C12orf56: variants seen among roughly 807,000 people sequenced by gnomAD.
C12orf56 encodes the protein uncharacterized protein C12orf56.
C12orf56 carries 71 observed loss-of-function variants against 69.9 expected under a neutral mutation model. The observed-to-expected ratio is 1.02, with a 90% CI of 0.84 to 1.24. The LOEUF is 1.24. Ranked by LOEUF, C12orf56 falls within the 50% of genes most tolerant of loss-of-function variation. The pLI is 0.00. For synonymous variants in C12orf56, 276 were observed against 274.1 expected (o/e 1.01, Z -0.07); for missense variants, 732 against 738.5 (o/e 0.99, Z 0.10).
chr12:64,294,312 A>G (rs1565742219), intron 6 of C12orf56, among the ~76,000 whole-genome samples: 1 of 152,192 alleles, frequency 6.6e-6, no homozygotes, highest in Non-Finnish European at 1.5e-5. Context: ...TTACCATCTA[A>G]TCTAGCAATT....
intron 2 of C12orf56, among the ~76,000 whole-genome samples, chr12:64,336,117 A>T (rs1161725733): frequency 6.6e-6 from 1 of 152,218 alleles, no homozygotes; most frequent in Non-Finnish European, 1.5e-5. Context: ...ATATAGCAAT[A>T]CCTGACTCAG....
intron 1 of C12orf56, among the ~76,000 whole-genome samples, chr12:64,384,742 G>T (rs935540219): frequency 3.3e-5 from 5 of 152,102 alleles, no homozygotes; most frequent in Non-Finnish European, 7.4e-5. Context: ...ACTGCTCTGC[G>T]TATTTGTTCT....
intron 1 of C12orf56, among the ~76,000 whole-genome samples, chr12:64,359,604 G>C (rs1450931063): frequency 1.3e-5 from 2 of 152,162 alleles, no homozygotes; most frequent in East Asian, 1.9e-4. Context: ...CATCTGTGCG[G>C]GGGTAAAGAG....
chr12:64,367,608 C>G (rs1447718058), intron 1 of C12orf56, among the ~76,000 whole-genome samples: 1 of 147,690 alleles, frequency 6.8e-6, no homozygotes, highest in Non-Finnish European at 1.5e-5. Flanking sequence ...TGGGTTCAAG[C>G]GATTCTCCTG....
At chr12:64,318,147 G>A (rs562780641) in intron 4 of C12orf56, among the ~76,000 whole-genome samples, 10 of 152,134 alleles carry the variant, frequency 6.6e-5, no homozygotes, top group East Asian at 3.9e-4. Flanking sequence ...ATTAAACTCC[G>A]CCTCTGGAGT....
At chr12:64,380,118 A>ACAAAAC (rs1450680187) in intron 1 of C12orf56, among the ~76,000 whole-genome samples, 6 of 84,308 alleles carry the variant, frequency 7.1e-5, no homozygotes, top group African/African-American at 2.1e-4. Context: ...AAAAAAAAAA[A>ACAAAAC]AAAAAAAAAA....
Position 64,360,317 on chromosome 12 carries a change from C to T in C12orf56, c.253-7261G>A, listed in dbSNP as rs1032743481. On this transcript the variant is annotated intron_variant, in intron 1 of 12. Coordinates refer to ENST00000543942, the MANE Select transcript of C12orf56 (RefSeq NM_001170633.2). ...GCAGGTGCCTGTAATCCCAGCTACT[C>T]GGGAGGCTGAGGCAGGAGAATCGCT... Among the ~76,000 whole-genome samples, 7 of 151,832 alleles carry T rather than the reference C, an allele frequency of 4.6e-5. No homozygotes were observed. In the East Asian group the frequency reaches 9.7e-4, roughly 21 times the overall value.
chr12:64,313,787 G>A (rs1169194273), intron 4 of C12orf56, among the ~76,000 whole-genome samples: 3 of 151,774 alleles, frequency 2.0e-5, no homozygotes, highest in Non-Finnish European at 1.5e-5. Flanking sequence ...GCTCACACCT[G>A]TAATTCCAGC....
At chr12:64,386,398 A>ATATTT (rs752756817) in intron 1 of C12orf56, among the ~76,000 whole-genome samples, 4 of 87,340 alleles carry the variant, frequency 4.6e-5, no homozygotes, top group African/African-American at 2.0e-4. Flanking sequence ...ATATATATAT[A>ATATTT]TTTTTTTTTT....
At chr12:64,315,114 G>A (rs962926916) in intron 4 of C12orf56, among the ~76,000 whole-genome samples, 4 of 150,452 alleles carry the variant, frequency 2.7e-5, no homozygotes, top group African/African-American at 4.9e-5. Context: ...ACCACGGCCA[G>A]CCAATTTTTG....
Position 64,347,284 on chromosome 12 carries a change from C to CTTT in C12orf56, c.415+5607_415+5609dup, listed in dbSNP as rs35011865. On this transcript the variant is annotated intron_variant, in intron 2 of 12. Transcript: ENST00000543942. The stretch of plus-strand genomic sequence containing the variant: ...TGAGCCACCATGCCCAGCCTAGTAA[C>CTTT]TTTTTTTTTTTTTTTTTTTGAGACA... Among the ~76,000 whole-genome samples the CTTT allele has an allele frequency of 2.1e-3, 257 of 121,786 alleles. 7 individuals carry two copies. The highest frequency in any genetic ancestry group is 2.7e-3 in the Non-Finnish European group (164 of 60,288). The allele number at this position is 121,786 out of a possible 152,430, so 79.9% of individuals were successfully genotyped here. A position where few individuals can be genotyped will look rare whatever the true frequency, so the allele number is the denominator to read the frequency against.
chr12:64,330,266 CT>C (rs1333375623), intron 3 of C12orf56, among the ~76,000 whole-genome samples: 1 of 152,146 alleles, frequency 6.6e-6, no homozygotes, highest in Non-Finnish European at 1.5e-5. Context: ...AATGTAAAGT[CT>C]TCATCTGGAC....
At position 64,308,931 on chromosome 12, in the gene C12orf56, AGAAAGAAAGAAGAAAG is replaced by A. The variant is rs1318712602; in HGVS notation, c.968+3732_968+3747del. Among the ~76,000 whole-genome samples the A allele has an allele frequency of 8.3e-3, 437 of 52,498 alleles. 5 individuals are homozygous for A. Among genetic ancestry groups the A allele is most frequent in the East Asian group, 0.034 (50 of 1,482 alleles). 34.4% of individuals were successfully genotyped at this position (52,498 alleles called of 152,430 possible). A position where few individuals can be genotyped will look rare whatever the true frequency, so the allele number is the denominator to read the frequency against. On this transcript the variant is annotated intron_variant, in intron 5 of 12. Coordinates refer to ENST00000543942, the MANE Select transcript of C12orf56 (RefSeq NM_001170633.2). ...AAGAAAGAAAGAAAGAAAGAAAGAAAGAAAGAAAGAAGAAAGAAAGAAAGAAAGAAAGAAAGAAAGA... is the reference window on the plus strand; with the variant it reads ...AAGAAAGAAAGAAAGAAAGAAAGAAAAAAGAAAGAAAGAAAGAAAGAAAGA...
intron 6 of C12orf56, 147 bp from the exon 7 acceptor site, chr12:64,286,207 C>A: frequency 1.7e-6 from 1 of 580,050 alleles, no homozygotes; most frequent in South Asian, 2.2e-5. Context: ...CTAGCATAAC[C>A]CAAATTGGAA....
At chr12:64,306,426 T>G (rs1047802509) in intron 5 of C12orf56, among the ~76,000 whole-genome samples, 5 of 151,630 alleles carry the variant, frequency 3.3e-5, no homozygotes, top group East Asian at 1.9e-4. Context: ...TTTGTTTTTT[T>G]TTTTTTTTTT....
intron 2 of C12orf56, among the ~76,000 whole-genome samples, chr12:64,336,803 G>A (rs947892263): frequency 1.3e-5 from 2 of 152,208 alleles, no homozygotes; most frequent in Admixed American, 1.3e-4. Flanking sequence ...GCCAGAAGTA[G>A]AAGGGCCTAT....
Position 64,277,649 on chromosome 12 carries a change from T to TATAC in C12orf56, c.1434+30_1434+31insGTAT, listed in dbSNP as rs34120343. 17 of 1,391,080 alleles carry TATAC rather than the reference T, an allele frequency of 1.2e-5. No homozygotes were observed. The South Asian group carries it at 2.4e-4, about 20-fold the overall frequency. 86.2% of individuals were successfully genotyped at this position (1,391,080 alleles called of 1,614,324 possible). On this transcript the variant is annotated intron_variant, in intron 9 of 12. Coordinates refer to ENST00000543942, the MANE Select transcript of C12orf56 (RefSeq NM_001170633.2). ...CAGGGCCCCTATATATATATATATATAATAGTTTACCCCCCAAATTCTCAT... is the reference window on the plus strand; with the variant it reads ...CAGGGCCCCTATATATATATATATATATACAATAGTTTACCCCCCAAATTCTCAT...
rs1347288397 is a variant in C12orf56 at position 64,266,520 on chromosome 12, C to T, written c.*663G>A. The T allele has an allele frequency of 1.1e-5, 3 of 270,480 alleles. No individual in the cohort carries two copies. Among genetic ancestry groups the T allele is most frequent in the Middle Eastern group, 1.1e-3 (1 of 882 alleles). The allele number at this position is 270,480 out of a possible 1,614,324, so 16.8% of individuals were successfully genotyped here. A position where few individuals can be genotyped will look rare whatever the true frequency, so the allele number is the denominator to read the frequency against. On this transcript the variant is annotated 3_prime_UTR_variant, in exon 13 of 13. Coordinates refer to ENST00000543942, the MANE Select transcript of C12orf56 (RefSeq NM_001170633.2). Reference sequence around the variant, plus strand: ...TGAGTGAGTGACCTTAGGCCCAGACCAAGCTGTAATTCCAGAAGTGGCGTG... The same window carrying T: ...TGAGTGAGTGACCTTAGGCCCAGACTAAGCTGTAATTCCAGAAGTGGCGTG...
At chr12:64,323,110 G>T (rs962257543) in intron 3 of C12orf56, among the ~76,000 whole-genome samples, 3 of 152,210 alleles carry the variant, frequency 2.0e-5, no homozygotes, top group African/African-American at 2.4e-5. Flanking sequence ...AAGACAGTCA[G>T]TGACTCGTGT....
Sources: allele counts gnomAD v4.1 joint callset (sites outside exome capture counted in the v4.1 genomes callset), GRCh38; gene constraint gnomAD v4.1.1; transcripts MANE v1.5; gene names NCBI Gene and HGNC (gene_info 2026-07-23, HGNC 2026-07-21).